Variants in ETF1 observed in about 807,000 individuals in gnomAD.
ETF1 encodes the protein eukaryotic peptide chain release factor subunit 1.
ETF1 carries 4 observed loss-of-function variants against 55.1 expected under a neutral mutation model. The observed-to-expected ratio is 0.07, with a 90% CI of 0.04 to 0.17. The LOEUF is 0.17. ETF1 is among the 10% of genes least tolerant of loss of function. The probability of loss-of-function intolerance (pLI) is 1.00; values close to 1 mark genes in which losing one functional copy is unlikely to be tolerated. For missense variants in ETF1, 142 were observed against 523.6 expected (o/e 0.27, Z 7.11); for synonymous variants, 157 against 182.3 (o/e 0.86, Z 1.12).
At chr5:138,519,718 A>G (rs1483667685) in intron 2 of ETF1, among the ~76,000 whole-genome samples, 3 of 152,068 alleles carry the variant, frequency 2.0e-5, no homozygotes, top group Non-Finnish European at 2.9e-5. Flanking sequence ...AAATGGCAAC[A>G]TATTAATTGC....
rs776069244 is a variant in ETF1 at position 138,541,535 on chromosome 5, C to T, written c.86+1298G>A. The T allele has an allele frequency of 2.0e-6, 3 of 1,534,464 alleles. No individual in the cohort carries two copies. The South Asian group carries it at 3.6e-5, about 18-fold the overall frequency. Reference sequence around the variant, plus strand: ...AAAACCAACCTGTGAATTGGGCCTTCAGTACAATTAAGCACATCCTGTTTC... The same window carrying T: ...AAAACCAACCTGTGAATTGGGCCTTTAGTACAATTAAGCACATCCTGTTTC... On this transcript the variant is annotated intron_variant, in intron 2 of 10. Coordinates refer to ENST00000360541, the MANE Select transcript of ETF1 (RefSeq NM_004730.4).
intron 2 of ETF1, among the ~76,000 whole-genome samples, chr5:138,540,300 T>G (rs542084345): frequency 7.7e-4 from 117 of 152,292 alleles, no homozygotes; most frequent in African/African-American, 2.8e-3. Flanking sequence ...CTTGTCCTAA[T>G]AACCATGCCT....
At chr5:138,517,493 A>G (rs1254576863) in intron 4 of ETF1, 68 bp downstream of exon 4, 2 of 887,410 alleles carry the variant, frequency 2.3e-6, no homozygotes, top group South Asian at 4.9e-5. Context: ...GGGATGGGGG[A>G]CTGACTGCTA....
intron 2 of ETF1, among the ~76,000 whole-genome samples, chr5:138,535,170 T>C (rs1291786570): frequency 1.3e-5 from 2 of 151,866 alleles, no homozygotes; most frequent in Non-Finnish European, 2.9e-5. Context: ...AGGCTGGTCT[T>C]GAACTCCTTA....
intron 6 of ETF1, chr5:138,511,925 G>A (rs930586713): frequency 5.1e-6 from 5 of 983,612 alleles, no homozygotes; most frequent in Non-Finnish European, 6.0e-6. Context: ...GGGCTGGGGA[G>A]GGTGGCTCAC....
intron 2 of ETF1, among the ~76,000 whole-genome samples, chr5:138,530,735 G>A (rs1390261493): frequency 1.3e-5 from 2 of 150,734 alleles, no homozygotes; most frequent in Non-Finnish European, 3.0e-5. Context: ...CACAATGCCT[G>A]GCTATTTTTA....
intron 10 of ETF1, 24 bp downstream of exon 10, chr5:138,508,645 T>C (rs1188915697): frequency 2.5e-6 from 4 of 1,611,736 alleles, no homozygotes; most frequent in Non-Finnish European, 3.4e-6. Flanking sequence ...GGTTTTAAGT[T>C]TGGTTTGCTG....
chr5:138,529,018 T>C (rs1480434282), intron 2 of ETF1, among the ~76,000 whole-genome samples: 1 of 151,972 alleles, frequency 6.6e-6, no homozygotes, highest in Non-Finnish European at 1.5e-5. Context: ...TGGTAGTGCA[T>C]GCTTGTAATC....
At chr5:138,538,682 G>A (rs1346664168) in intron 2 of ETF1, among the ~76,000 whole-genome samples, 2 of 151,380 alleles carry the variant, frequency 1.3e-5, no homozygotes, top group East Asian at 3.9e-4. Flanking sequence ...AAAAAAAAAA[G>A]AATGTGAAAT....
intron 5 of ETF1, 71 bp from the exon 6 acceptor site, chr5:138,513,025 AAAT>A (rs1561830664): frequency 6.9e-6 from 10 of 1,441,274 alleles, no homozygotes; most frequent in Non-Finnish European, 9.1e-6. Flanking sequence ...ATTAAAAATA[AAAT>A]AATCATGTCA....
intron 4 of ETF1, among the ~76,000 whole-genome samples, chr5:138,516,879 T>C (rs1049339530): frequency 6.6e-6 from 1 of 152,116 alleles, no homozygotes; most frequent in African/African-American, 2.4e-5. Context: ...AGCCAAACAG[T>C]GCAAACCACT....
intron 2 of ETF1, chr5:138,529,627 G>A: frequency 1.0e-6 from 1 of 985,378 alleles, no homozygotes; most frequent in Non-Finnish European, 1.2e-6. Flanking sequence ...GGTTTTAGGG[G>A]CACTTTGGCT....
intron 2 of ETF1, among the ~76,000 whole-genome samples, chr5:138,540,134 T>C (rs1376297876): frequency 6.6e-6 from 1 of 152,226 alleles, no homozygotes; most frequent in Admixed American, 6.5e-5. Flanking sequence ...TAGGATTATC[T>C]TAATTTCAAA....
chr5:138,526,772 C>T (rs1057350404), intron 2 of ETF1, among the ~76,000 whole-genome samples: 3 of 152,070 alleles, frequency 2.0e-5, no homozygotes, highest in Non-Finnish European at 4.4e-5. Context: ...GCCATCTCAG[C>T]TCACTGCAAG....
intron 2 of ETF1, among the ~76,000 whole-genome samples, chr5:138,537,197 G>A (rs1765972946): frequency 6.6e-6 from 1 of 152,158 alleles, no homozygotes; most frequent in Admixed American, 6.5e-5. Context: ...TATATACTCT[G>A]TCCTCTTCCC....
chr5:138,526,854 C>A (rs1326588874), intron 2 of ETF1, among the ~76,000 whole-genome samples: 1 of 152,090 alleles, frequency 6.6e-6, no homozygotes, highest in Non-Finnish European at 1.5e-5. Context: ...GCGCATGCAA[C>A]CACACCCAGC....
intron 7 of ETF1, 109 bp downstream of exon 7, chr5:138,511,366 T>C: frequency 6.6e-6 from 10 of 1,524,202 alleles, no homozygotes; most frequent in Non-Finnish European, 8.8e-6. Context: ...TGGTACCTTG[T>C]CTCATACATA....
At position 138,538,315 on chromosome 5, in the gene ETF1, G is replaced by A. The variant is rs544901065; in HGVS notation, c.86+4518C>T. On this transcript the variant is annotated intron_variant, in intron 2 of 10. Transcript: ENST00000360541. ...AGCATTTCTCCTGCCTCAGCCTCCC[G>A]AGTAGCTGGGATTACAGGTGCAAGC... is the stretch of plus-strand genomic sequence containing the variant. Among the ~76,000 whole-genome samples, 502 of 151,958 alleles carry A rather than the reference G, an allele frequency of 3.3e-3. 15 individuals are homozygous for A. The highest frequency in any genetic ancestry group is 6.0e-3 in the Non-Finnish European group (405 of 67,988).
chr5:138,525,713 A>C (rs1765440005), intron 2 of ETF1, among the ~76,000 whole-genome samples: 1 of 151,892 alleles, frequency 6.6e-6, no homozygotes, highest in Non-Finnish European at 1.5e-5. Flanking sequence ...TGGGAGGCCG[A>C]GGCGGGTGGA....
Sources: allele counts gnomAD v4.1 joint callset (sites outside exome capture counted in the v4.1 genomes callset), GRCh38; gene constraint gnomAD v4.1.1; transcripts MANE v1.5; gene names NCBI Gene and HGNC (gene_info 2026-07-23, HGNC 2026-07-21).